The following NRXN1 variants were observed in gnomAD, a reference collection of about 807,000 sequenced individuals.
NRXN1 encodes neurexin-1.
Under a neutral mutation model 150.9 loss-of-function variants are expected in NRXN1, and 39 were observed. The ratio of observed to expected loss-of-function variants is 0.26; its 90% CI spans 0.20 to 0.34. The LOEUF (loss-of-function observed/expected upper bound fraction) is 0.34. Ranked by LOEUF, NRXN1 falls within the 10% of genes least tolerant of loss-of-function variation. The probability of loss-of-function intolerance (pLI) is 1.00; values close to 1 mark genes in which losing one functional copy is unlikely to be tolerated. For missense variants in NRXN1, 1,815 were observed against 1,949.9 expected, an observed-to-expected ratio of 0.93 and a Z score of 1.30; for synonymous variants, 924 against 757.0, an observed-to-expected ratio of 1.22 and a Z score of -3.62.
intron 17 of NRXN1, among the ~76,000 whole-genome samples, chr2:50,353,138 G>A (rs1205080826): frequency 6.6e-6 from 1 of 152,134 alleles, no homozygotes; most frequent in Non-Finnish European, 1.5e-5. Context: ...TTCAAGTCAA[G>A]ATTGGTTGTG....
intron 21 of NRXN1, among the ~76,000 whole-genome samples, chr2:50,012,817 T>C (rs1215076611): frequency 6.6e-6 from 1 of 152,180 alleles, no homozygotes; most frequent in East Asian, 1.9e-4. Context: ...TTTTTTATAA[T>C]GTAGTTTTCA....
chr2:50,197,274 A>C (rs751958220), intron 18 of NRXN1, among the ~76,000 whole-genome samples: 3 of 152,146 alleles, frequency 2.0e-5, no homozygotes, highest in Admixed American at 6.6e-5. Flanking sequence ...TCAAAAGCAC[A>C]GTGGGACACT....
At chr2:50,737,289 TA>T (rs1698883871) in intron 5 of NRXN1, among the ~76,000 whole-genome samples, 1 of 152,116 alleles carries the variant, frequency 6.6e-6, no homozygotes, top group African/African-American at 2.4e-5. Flanking sequence ...CATAATGGCA[TA>T]AAAGGTCAGT....
chr2:50,065,762 A>G (rs1412962789), intron 19 of NRXN1, among the ~76,000 whole-genome samples: 1 of 152,152 alleles, frequency 6.6e-6, no homozygotes, highest in African/African-American at 2.4e-5. Context: ...CTAACCTATA[A>G]GAAAAGCCAC....
intron 17 of NRXN1, among the ~76,000 whole-genome samples, chr2:50,348,365 G>A (rs2078196099): frequency 6.6e-6 from 1 of 152,188 alleles, no homozygotes; most frequent in South Asian, 2.1e-4. Flanking sequence ...AAGAGAGGAA[G>A]AGAAGGGTCA....
At chr2:50,021,354 T>A (rs1687538417) in intron 21 of NRXN1, among the ~76,000 whole-genome samples, 1 of 152,184 alleles carries the variant, frequency 6.6e-6, no homozygotes, top group South Asian at 2.1e-4. Flanking sequence ...ACACTATATA[T>A]AGCTAGTATA....
At chr2:50,509,838 T>C (rs191923798) in intron 12 of NRXN1, among the ~76,000 whole-genome samples, 4 of 152,240 alleles carry the variant, frequency 2.6e-5, no homozygotes, top group East Asian at 3.9e-4. Flanking sequence ...GAATTCACTA[T>C]GTTGAATTTC....
Position 50,727,908 on chromosome 2 carries a change from G to A in NRXN1, c.833-104293C>T, listed in dbSNP as rs371179325. Reference sequence around the variant, plus strand: ...AACAAGTCCCTGAATTACTGTCAGCGTTATTGTTAAGCCACAGGGTATCTC... The same window carrying A: ...AACAAGTCCCTGAATTACTGTCAGCATTATTGTTAAGCCACAGGGTATCTC... On this transcript the variant is annotated intron_variant, in intron 5 of 22. Coordinates refer to ENST00000401669, the MANE Select transcript of NRXN1 (RefSeq NM_001330078.2). Among the ~76,000 whole-genome samples, 8 of 152,100 alleles carry A rather than the reference G, an allele frequency of 5.3e-5. No homozygotes were observed. In the East Asian group the frequency reaches 5.8e-4, roughly 11 times the overall value.
At chr2:50,024,917 C>G (rs552496247) in intron 21 of NRXN1, among the ~76,000 whole-genome samples, 5 of 152,204 alleles carry the variant, frequency 3.3e-5, no homozygotes, top group Admixed American at 2.6e-4. Context: ...TGCCCAGACA[C>G]CAGAGTAATT....
At chr2:50,570,468 G>T (rs1182994520) in intron 8 of NRXN1, among the ~76,000 whole-genome samples, 6 of 152,088 alleles carry the variant, frequency 3.9e-5, no homozygotes, top group African/African-American at 1.4e-4. Flanking sequence ...TCCTCCTTAT[G>T]CTAACATATC....
chr2:50,334,607 T>A (rs1348642769), intron 17 of NRXN1, among the ~76,000 whole-genome samples: 1 of 152,130 alleles, frequency 6.6e-6, no homozygotes, highest in African/African-American at 2.4e-5. Context: ...AGGCACTCCA[T>A]CACAAGGGTC....
rs113935044 is a variant in NRXN1, at chr2:50,069,748, T to C, written c.3719-14704A>G. On this transcript the variant is annotated intron_variant, in intron 19 of 22. Transcript: ENST00000401669. ...ACCTCTTATCACTGAGACATTTCTC[T>C]GCATTCTTTCTACCCATTTACCACA... 4.3e-3 allele frequency among the ~76,000 whole-genome samples: 656 copies of C among 152,246 alleles called. 5 individuals are homozygous for C. Among genetic ancestry groups the C allele is most frequent in the Non-Finnish European group, 4.1e-3 (281 of 68,016 alleles).
At chr2:50,933,720 A>C (rs1053810234) in intron 2 of NRXN1, among the ~76,000 whole-genome samples, 5 of 152,128 alleles carry the variant, frequency 3.3e-5, no homozygotes, top group Non-Finnish European at 7.4e-5. Context: ...CCATAAAATC[A>C]AATCAACACA....
rs1685195597 is a variant in NRXN1 at position 50,008,889 on chromosome 2, G to A, written c.4128+44382C>T. On this transcript the variant is annotated intron_variant, in intron 21 of 22. Transcript: ENST00000401669. Reference sequence around the variant, plus strand: ...GCCATAATGTCACTAGGGGGTGTATGTTTGGTTGTGAGAGGGTGTTATCAA... The same window carrying A: ...GCCATAATGTCACTAGGGGGTGTATATTTGGTTGTGAGAGGGTGTTATCAA... Among the ~76,000 whole-genome samples the A allele has an allele frequency of 5.3e-5, 8 of 152,082 alleles. No individual in the cohort carries two copies. The South Asian group carries it at 1.7e-3, about 31-fold the overall frequency.
chr2:50,439,692 C>T (rs2085764671), intron 17 of NRXN1, among the ~76,000 whole-genome samples: 1 of 151,804 alleles, frequency 6.6e-6, no homozygotes, highest in African/African-American at 2.4e-5. Context: ...TGGCGGGTAC[C>T]TGTAGTCCCA....
chr2:50,424,295 AAGGAGG>A (rs1199844494), intron 17 of NRXN1, among the ~76,000 whole-genome samples: 1 of 71,914 alleles, frequency 1.4e-5, no homozygotes, highest in East Asian at 8.0e-4. Flanking sequence ...GAGGAAGAAG[AAGGAGG>A]AGGAGGAGGG....
chr2:50,915,067 G>A (rs1341010728), intron 5 of NRXN1, among the ~76,000 whole-genome samples: 1 of 151,626 alleles, frequency 6.6e-6, no homozygotes, highest in Non-Finnish European at 1.5e-5. Flanking sequence ...GGAAGTTCAG[G>A]AGACGGCCAA....
At chr2:50,468,915 A>G (rs528975155) in intron 16 of NRXN1, among the ~76,000 whole-genome samples, 1 of 151,776 alleles carries the variant, frequency 6.6e-6, no homozygotes, top group Admixed American at 6.6e-5. Flanking sequence ...TGTAGATATA[A>G]TGGAGCCTAG....
At position 50,768,915 on chromosome 2, in the gene NRXN1, AAC is replaced by A. The variant is rs573497722; in HGVS notation, c.833-145302_833-145301del. 2.2e-3 allele frequency among the ~76,000 whole-genome samples: 322 copies of A among 148,874 alleles called. 1 individual carries two copies. The highest frequency in any genetic ancestry group is 5.9e-3 in the African/African-American group (239 of 40,670). On this transcript the variant is annotated intron_variant, in intron 5 of 22. Transcript: ENST00000401669. ...CACCACGAACAACAACAACAACAACAACACACACACACACACACACATACACA... is the reference window on the plus strand; with the variant it reads ...CACCACGAACAACAACAACAACAACAACACACACACACACACACATACACA...
Sources: allele counts gnomAD v4.1 joint callset (sites outside exome capture counted in the v4.1 genomes callset), GRCh38; gene constraint gnomAD v4.1.1; transcripts MANE v1.5; gene names NCBI Gene and HGNC (gene_info 2026-07-23, HGNC 2026-07-21).